GPHN: variants seen among roughly 807,000 people sequenced by gnomAD.
GPHN encodes the protein gephyrin.
In GPHN, 17 loss-of-function variants were observed where a neutral mutation model predicts 95.5. The ratio of observed to expected loss-of-function variants is 0.18; its 90% confidence interval spans 0.12 to 0.27. GPHN has a LOEUF of 0.27. Ranked by LOEUF, GPHN falls within the 10% of genes least tolerant of loss-of-function variation. The pLI is 1.00. For missense variants in GPHN, 660 were observed against 978.1 expected (o/e 0.67, Z 4.34); for synonymous variants, 320 against 322.5 (o/e 0.99, Z 0.08).
Position 67,168,929 on chromosome 14 carries a change from T to C in GPHN, c.1976-4T>C. On this transcript the variant is annotated splice_polypyrimidine_tract_variant and splice_region_variant and intron_variant, in intron 20 of 22. Coordinates refer to ENST00000478722, the MANE Select transcript of GPHN (RefSeq NM_020806.5). Reference sequence around the variant, plus strand: ...TTATAAATAACTGCTTGGTTGACTTTCAGGGAATCCTGTATCGGCTGTGGT... The same window carrying C: ...TTATAAATAACTGCTTGGTTGACTTCCAGGGAATCCTGTATCGGCTGTGGT... The C allele has an allele frequency of 6.3e-7, 1 of 1,590,822 alleles. No individual in the cohort carries two copies. The highest frequency in any genetic ancestry group is 1.1e-5 in the South Asian group (1 of 90,608).
At chr14:66,708,562 T>C (rs1487689848) in intron 2 of GPHN, among the ~76,000 whole-genome samples, 5 of 152,136 alleles carry the variant, frequency 3.3e-5, no homozygotes, top group Non-Finnish European at 7.4e-5. Context: ...TTAGGGAAAT[T>C]AAATATTTAT....
intron 1 of GPHN, among the ~76,000 whole-genome samples, chr14:66,549,515 G>C (rs1017600223): frequency 6.6e-6 from 1 of 152,088 alleles, no homozygotes; most frequent in Non-Finnish European, 1.5e-5. Context: ...TGATTCGTGA[G>C]GTATAAGAAA....
chr14:67,075,898 A>G (rs180947098), intron 11 of GPHN, among the ~76,000 whole-genome samples: 97 of 152,340 alleles, frequency 6.4e-4, no homozygotes, highest in African/African-American at 2.3e-3. Context: ...TGCTGTAGAC[A>G]TTGTTGAAAT....
the GPHN span, among the ~76,000 whole-genome samples, chr14:67,203,766 G>A: frequency 6.6e-6 from 1 of 152,218 alleles, no homozygotes; most frequent in Admixed American, 6.5e-5. Context: ...AGGCTGGAGT[G>A]CAATGGCACG....
At chr14:66,925,060 A>G (rs900709091) in intron 8 of GPHN, among the ~76,000 whole-genome samples, 1 of 152,184 alleles carries the variant, frequency 6.6e-6, no homozygotes, top group African/African-American at 2.4e-5. Context: ...ACCCAAAATT[A>G]GGAGAGAAAA....
At chr14:67,630,962 G>C in the GPHN span, among the ~76,000 whole-genome samples, 1 of 152,152 alleles carries the variant, frequency 6.6e-6, no homozygotes, top group African/African-American at 2.4e-5. Context: ...AAAAAGGGAA[G>C]AATGAATGTT....
intron 1 of GPHN, among the ~76,000 whole-genome samples, chr14:66,654,142 A>T (rs945159494): frequency 2.0e-5 from 3 of 151,970 alleles, no homozygotes; most frequent in East Asian, 1.9e-4. Context: ...ATCTCATTAC[A>T]TTTTTTTGTT....
the GPHN span, among the ~76,000 whole-genome samples, chr14:67,280,853 T>TTCCTTCCCTCCTTCCCTCCC: frequency 5.5e-4 from 43 of 77,568 alleles, no homozygotes; most frequent in East Asian, 0.017. Context: ...CCTTCCTTCC[T>TTCCTTCCCTCCTTCCCTCCC]TCCCTCCCTC....
chr14:67,046,673 CT>C (rs2153639455), intron 10 of GPHN, among the ~76,000 whole-genome samples: 1 of 152,166 alleles, frequency 6.6e-6, no homozygotes, highest in Admixed American at 6.5e-5. Flanking sequence ...TTCAGCTATG[CT>C]TTTTTGGTTT....
At chr14:66,624,831 A>G (rs1489347752) in intron 1 of GPHN, among the ~76,000 whole-genome samples, 4 of 152,176 alleles carry the variant, frequency 2.6e-5, no homozygotes, top group African/African-American at 9.6e-5. Flanking sequence ...CAGTATTCCT[A>G]AGGATTAAGT....
intron 3 of GPHN, among the ~76,000 whole-genome samples, chr14:66,781,519 A>G (rs1298351038): frequency 1.3e-5 from 2 of 152,132 alleles, no homozygotes; most frequent in Admixed American, 1.3e-4. Context: ...CGCCCAGCCT[A>G]CTATTATGAT....
At chr14:66,873,602 G>A (rs369696344) in intron 4 of GPHN, among the ~76,000 whole-genome samples, 33 of 152,270 alleles carry the variant, frequency 2.2e-4, no homozygotes, top group African/African-American at 6.5e-4. Context: ...CATTACTGAC[G>A]CTTGAGTGGG....
At chr14:67,473,930 G>A in the GPHN span, 14 of 1,593,736 alleles carry the variant, frequency 8.8e-6, no homozygotes, top group Middle Eastern at 1.9e-4. The surrounding 1 kb of genome is among the most constrained non-coding windows in gnomAD (Gnocchi z 6.5). Context: ...CCATGGCGCC[G>A]ACTGGGGCTG....
chr14:67,580,144 T>C, the GPHN span: 1 of 383,698 alleles, frequency 2.6e-6, no homozygotes, highest in South Asian at 3.3e-5. Flanking sequence ...AAAAGCCTCT[T>C]CTTGGCTTGG....
At chr14:67,643,852 T>TAAAAAAAAAA in the GPHN span, among the ~76,000 whole-genome samples, 3 of 81,216 alleles carry the variant, frequency 3.7e-5, no homozygotes, top group Non-Finnish European at 7.8e-5. Context: ...TCCTTGGGAG[T>TAAAAAAAAAA]AAAAAAAAAA....
intron 1 of GPHN, among the ~76,000 whole-genome samples, chr14:66,680,781 G>A (rs962853331): frequency 2.0e-5 from 3 of 151,982 alleles, no homozygotes; most frequent in Non-Finnish European, 4.4e-5. Context: ...TGTTGTGGGG[G>A]CAGTGACTTG....
chr14:67,546,873 T>A, the GPHN span, among the ~76,000 whole-genome samples: 2 of 152,090 alleles, frequency 1.3e-5, no homozygotes, highest in Non-Finnish European at 2.9e-5. Context: ...AAAGGATATA[T>A]ATATATTTTT....
chr14:66,942,564 G>T (rs549831135), intron 8 of GPHN, among the ~76,000 whole-genome samples: 10 of 152,230 alleles, frequency 6.6e-5, no homozygotes, highest in South Asian at 4.1e-4. Context: ...GAGAAGTTTG[G>T]TTATCTTTGT....
At chr14:66,806,270 G>A (rs1020996629) in intron 3 of GPHN, among the ~76,000 whole-genome samples, 6 of 152,058 alleles carry the variant, frequency 3.9e-5, no homozygotes, top group Non-Finnish European at 1.5e-5. Context: ...AAGGACCCTG[G>A]TCCCGGCCCA....
Sources: allele counts gnomAD v4.1 joint callset (sites outside exome capture counted in the v4.1 genomes callset), GRCh38; gene constraint gnomAD v4.1.1; non-coding constraint Gnocchi (gnomAD v3.1); transcripts MANE v1.5; gene names NCBI Gene and HGNC (gene_info 2026-07-23, HGNC 2026-07-21).